MAL2: variants seen among roughly 807,000 people sequenced by gnomAD.
The protein encoded by MAL2 is protein MAL2.
Under a neutral mutation model 18.1 loss-of-function variants are expected in MAL2, and 17 were observed. The observed-to-expected ratio is 0.94, with a 90% CI of 0.64 to 1.41. MAL2 has a LOEUF of 1.41. Ranked by LOEUF, MAL2 falls within the 40% of genes most tolerant of loss-of-function variation. The pLI is 0.00. For synonymous variants in MAL2, 102 were observed against 102.3 expected, an observed-to-expected ratio of 1.00 and a Z score of 0.02; for missense variants, 222 against 231.9, an observed-to-expected ratio of 0.96 and a Z score of 0.28.
Position 119,244,277 on chromosome 8 carries a change from C to A in MAL2, c.*789C>A, listed in dbSNP as rs1818108337. On this transcript the variant is annotated 3_prime_UTR_variant, in exon 4 of 4. Coordinates refer to ENST00000614891, the MANE Select transcript of MAL2 (RefSeq NM_052886.3). ...CTTTGTGTTAATAGTCAAATACTTA[C>A]CTTTGGAGAATACTTACCTTTGGAG... The A allele has an allele frequency of 6.6e-6, 1 of 152,060 alleles. No homozygotes were observed. Among genetic ancestry groups the A allele is most frequent in the Non-Finnish European group, 1.5e-5 (1 of 67,994 alleles). The allele number at this position is 152,060 out of a possible 1,614,324, so 9.4% of individuals were successfully genotyped here.
intron 1 of MAL2, among the ~76,000 whole-genome samples, chr8:119,220,176 G>A (rs866776552): frequency 2.0e-5 from 3 of 152,322 alleles, no homozygotes; most frequent in East Asian, 1.9e-4. Flanking sequence ...TTTCTCCTGC[G>A]GTGTTCTCTC....
At position 119,212,136 on chromosome 8, in the gene MAL2, A is replaced by G. The variant is rs972559839; in HGVS notation, c.132+3532A>G. On this transcript the variant is annotated intron_variant, in intron 1 of 3. Coordinates refer to ENST00000614891, the MANE Select transcript of MAL2 (RefSeq NM_052886.3). ...TTCCAGGTGGGTCTATCTACTTTAA[A>G]AAATAACATGGGATCATCTGCACTA... Among the ~76,000 whole-genome samples, 18 of 152,332 alleles carry G rather than the reference A, an allele frequency of 1.2e-4. 1 individual carries two copies. In the Middle Eastern group the frequency reaches 0.01, roughly 86 times the overall value.
Position 119,234,701 on chromosome 8 carries a change from T to A in MAL2, c.304-5464T>A, listed in dbSNP as rs567697418. 5.8e-4 allele frequency among the ~76,000 whole-genome samples: 88 copies of A among 151,752 alleles called. 2 individuals carry two copies. The highest frequency in any genetic ancestry group is 7.2e-4 in the Admixed American group (11 of 15,286). On this transcript the variant is annotated intron_variant, in intron 2 of 3. Transcript: ENST00000614891. ...GAGGCACCCCCCAGCAGGGGCACAC[T>A]CACAATTCACACGGCAGGGTATTCC... is the stretch of plus-strand genomic sequence containing the variant.
chr8:119,236,239 G>A (rs1817888915), intron 2 of MAL2, among the ~76,000 whole-genome samples: 1 of 122,008 alleles, frequency 8.2e-6, no homozygotes, highest in Non-Finnish European at 1.7e-5. Flanking sequence ...AACAAGAAGA[G>A]CTAACTATCC....
chr8:119,230,056 A>G (rs1314477209), intron 2 of MAL2, among the ~76,000 whole-genome samples: 1 of 152,156 alleles, frequency 6.6e-6, no homozygotes, highest in Non-Finnish European at 1.5e-5. Flanking sequence ...AACCCAAAAT[A>G]AGCAGTTCTG....
At chr8:119,239,245 G>A (rs1339751754) in intron 2 of MAL2, among the ~76,000 whole-genome samples, 4 of 152,166 alleles carry the variant, frequency 2.6e-5, no homozygotes, top group African/African-American at 9.7e-5. Flanking sequence ...ATACCAGTTA[G>A]AATGGCAATC....
chr8:119,222,754 G>A (rs2129815889), intron 2 of MAL2, among the ~76,000 whole-genome samples: 1 of 151,220 alleles, frequency 6.6e-6, no homozygotes, highest in East Asian at 2.0e-4. Flanking sequence ...CTTGAGCCCA[G>A]GAAGTCGAGG....
chr8:119,237,116 G>T (rs530085938), intron 2 of MAL2, among the ~76,000 whole-genome samples: 1 of 152,152 alleles, frequency 6.6e-6, no homozygotes, highest in Non-Finnish European at 1.5e-5. Context: ...TATCAGCACC[G>T]ATCCACAGAA....
intron 1 of MAL2, chr8:119,215,559 G>T (rs1053687603): frequency 2.0e-5 from 3 of 152,214 alleles, no homozygotes; most frequent in Non-Finnish European, 2.9e-5. Flanking sequence ...AGTTGTAATT[G>T]CTGTGGAGAA....
At chr8:119,224,130 A>G (rs2129822040) in intron 2 of MAL2, 1 of 152,344 alleles carries the variant, frequency 6.6e-6, no homozygotes, top group Middle Eastern at 3.4e-3. Context: ...TTTATTGACT[A>G]AGAAAATTAC....
In MAL2 at chr8:119,215,854, G is replaced by C. The variant is rs141976958; in HGVS notation, c.133-5733G>C. Among the ~76,000 whole-genome samples the C allele has an allele frequency of 1.1e-3, 169 of 152,238 alleles. 3 individuals carry two copies. In the East Asian group the frequency reaches 0.026, roughly 23 times the overall value. ...GTAGTGGTACCAGTGATCTACAGTC[G>C]CATTGTGAATGAATCCATACTTGTG... On this transcript the variant is annotated intron_variant, in intron 1 of 3. Coordinates refer to ENST00000614891, the MANE Select transcript of MAL2 (RefSeq NM_052886.3).
At chr8:119,218,665 T>C (rs1041975084) in intron 1 of MAL2, among the ~76,000 whole-genome samples, 2 of 152,184 alleles carry the variant, frequency 1.3e-5, no homozygotes, top group Admixed American at 6.5e-5. Flanking sequence ...CTATAGTACC[T>C]AGCAGTAGGT....
Position 119,235,511 on chromosome 8 carries a change from T to C in MAL2, c.304-4654T>C, listed in dbSNP as rs1817865170. On this transcript the variant is annotated intron_variant, in intron 2 of 3. Coordinates refer to ENST00000614891, the MANE Select transcript of MAL2 (RefSeq NM_052886.3). Reference sequence around the variant, plus strand: ...CACATAATTGCCAGATTCACCAAAGTTGAAATGAAGGAAAAAATGTTAAGG... The same window carrying C: ...CACATAATTGCCAGATTCACCAAAGCTGAAATGAAGGAAAAAATGTTAAGG... 2.7e-5 allele frequency among the ~76,000 whole-genome samples: 4 copies of C among 148,038 alleles called. No individual in the cohort carries two copies. In the South Asian group the frequency reaches 8.8e-4, roughly 32 times the overall value.
At chr8:119,243,348 G>C (rs1330647980) in intron 3 of MAL2, 69 bp from the exon 4 acceptor site, 1 of 1,190,142 alleles carries the variant, frequency 8.4e-7, no homozygotes, top group Non-Finnish European at 1.2e-6. Flanking sequence ...TCATATGGTT[G>C]TTCTTTAGGA....
At chr8:119,217,789 TG>T (rs1817382451) in intron 1 of MAL2, among the ~76,000 whole-genome samples, 1 of 152,190 alleles carries the variant, frequency 6.6e-6, no homozygotes, top group African/African-American at 2.4e-5. Context: ...TCTAAAAATA[TG>T]GCCACCTCCA....
chr8:119,226,086 G>A (rs1213695538), intron 2 of MAL2, among the ~76,000 whole-genome samples: 2 of 152,060 alleles, frequency 1.3e-5, no homozygotes, highest in Admixed American at 6.5e-5. Context: ...CATTCTGTAG[G>A]TTGCCTGTTC....
intron 2 of MAL2, among the ~76,000 whole-genome samples, chr8:119,235,428 G>C (rs1002290012): frequency 2.6e-5 from 4 of 151,974 alleles, no homozygotes; most frequent in Non-Finnish European, 5.9e-5. Flanking sequence ...CCAACATTCA[G>C]ATTCAGGAAA....
intron 2 of MAL2, among the ~76,000 whole-genome samples, chr8:119,236,395 A>C (rs1316798099): frequency 6.6e-6 from 1 of 151,702 alleles, no homozygotes; most frequent in East Asian, 1.9e-4. Context: ...TGAGATAGAA[A>C]GTCAACAAGG....
chr8:119,225,793 C>G (rs962497630), intron 2 of MAL2, among the ~76,000 whole-genome samples: 1 of 152,146 alleles, frequency 6.6e-6, no homozygotes, highest in Non-Finnish European at 1.5e-5. Flanking sequence ...TGTTTCCTGA[C>G]TTTTTAATGA....
Sources: allele counts gnomAD v4.1 joint callset (sites outside exome capture counted in the v4.1 genomes callset), GRCh38; gene constraint gnomAD v4.1.1; transcripts MANE v1.5; gene names NCBI Gene and HGNC (gene_info 2026-07-23, HGNC 2026-07-21).